ANKRD13A: variants seen among roughly 807,000 people sequenced by gnomAD.
The protein encoded by ANKRD13A is ankyrin repeat domain-containing protein 13A.
A neutral mutation model predicts 81.3 loss-of-function variants in ANKRD13A; 48 were observed. The observed-to-expected ratio is 0.59, with a 90% CI of 0.47 to 0.75. The LOEUF is 0.75. ANKRD13A is among the 30% of genes least tolerant of loss of function. The pLI is 0.00. For synonymous variants in ANKRD13A, 230 were observed against 270.1 expected (o/e 0.85, Z 1.45); for missense variants, 612 against 734.0 (o/e 0.83, Z 1.92).
intron 7 of ANKRD13A, among the ~76,000 whole-genome samples, chr12:110,024,843 T>G (rs986553495): frequency 1.3e-5 from 2 of 152,250 alleles, no homozygotes; most frequent in African/African-American, 4.8e-5. Flanking sequence ...CTTTGTTAAC[T>G]GTTATGTTTG....
rs1593225224 is a variant in ANKRD13A at position 110,028,657 on chromosome 12, G to C, written c.1076+15G>C. Reference sequence around the variant, plus strand: ...AGAACACAGAAGTAAGAGAGGTTCAGCTGCCATTTTCAACCTATGTATGTT... The same window carrying C: ...AGAACACAGAAGTAAGAGAGGTTCACCTGCCATTTTCAACCTATGTATGTT... On this transcript the variant is annotated intron_variant, in intron 10 of 14. Transcript: ENST00000261739. 1.9e-6 allele frequency: 3 copies of C among 1,613,956 alleles called. No individual in the cohort carries two copies.
In ANKRD13A at chr12:110,026,363, C is replaced by T. The variant is rs184592554; in HGVS notation, c.883+540C>T. Among the ~76,000 whole-genome samples the T allele has an allele frequency of 8.0e-3, 1,202 of 150,606 alleles. 25 individuals carry two copies. Among genetic ancestry groups the T allele is most frequent in the African/African-American group, 0.028 (1,158 of 41,068 alleles). ...CCAATGTGGGCGAGTCACCTGAGGT[C>T]GGGAATTCAAGACCAGCCTGACCAA... On this transcript the variant is annotated intron_variant, in intron 8 of 14. Transcript: ENST00000261739.
intron 12 of ANKRD13A, 40 bp downstream of exon 12, chr12:110,030,798 T>A: frequency 8.0e-6 from 11 of 1,379,626 alleles, no homozygotes; most frequent in East Asian, 5.4e-5. Flanking sequence ...TTTTGTTATT[T>A]AAAAAAAAAT....
chr12:110,019,850 G>C (rs1593214734), intron 6 of ANKRD13A, among the ~76,000 whole-genome samples: 1 of 152,216 alleles, frequency 6.6e-6, no homozygotes, highest in Non-Finnish European at 1.5e-5. Flanking sequence ...AGGGGATTCA[G>C]TTCTGTTCCA....
intron 1 of ANKRD13A, among the ~76,000 whole-genome samples, chr12:110,002,539 C>A (rs1311698683): frequency 2.0e-5 from 3 of 152,144 alleles, no homozygotes; most frequent in South Asian, 2.1e-4. Flanking sequence ...TCGCTTGAAT[C>A]CAGGAGGCTG....
At chr12:110,031,099 T>C (rs1891663359) in intron 12 of ANKRD13A, among the ~76,000 whole-genome samples, 1 of 150,582 alleles carries the variant, frequency 6.6e-6, no homozygotes, top group Non-Finnish European at 1.5e-5. Context: ...AGAGCAAAAC[T>C]ACATCTCAAA....
chr12:110,015,397 C>A (rs1159234090), intron 3 of ANKRD13A, among the ~76,000 whole-genome samples: 1 of 152,238 alleles, frequency 6.6e-6, no homozygotes, highest in African/African-American at 2.4e-5. Context: ...CTGCCCTTTG[C>A]CTAGAATAGG....
chr12:110,002,287 T>G (rs1890020710), intron 1 of ANKRD13A, among the ~76,000 whole-genome samples: 1 of 152,212 alleles, frequency 6.6e-6, no homozygotes, highest in Non-Finnish European at 1.5e-5. Context: ...CCAGTTTTTC[T>G]GCAAGGAAGA....
In ANKRD13A at chr12:110,037,764, C is replaced by T. The variant is rs879744188; in HGVS notation, c.*210C>T. 5.5e-5 allele frequency: 26 copies of T among 470,418 alleles called. No homozygotes were observed. The highest frequency in any genetic ancestry group is 7.9e-5 in the Non-Finnish European group (21 of 264,986). 29.1% of individuals were successfully genotyped at this position (470,418 alleles called of 1,614,324 possible). The stretch of plus-strand genomic sequence containing the variant: ...TGGAGAAGGGACCAGGGATTGCAGG[C>T]CCCATCTCCAGGCTAAGGGGAGGAG... On this transcript the variant is annotated 3_prime_UTR_variant, in exon 15 of 15. Coordinates refer to ENST00000261739, the MANE Select transcript of ANKRD13A (RefSeq NM_033121.2).
intron 1 of ANKRD13A, among the ~76,000 whole-genome samples, chr12:110,001,919 G>A (rs866062967): frequency 2.0e-5 from 3 of 152,104 alleles, no homozygotes; most frequent in Non-Finnish European, 4.4e-5. Context: ...GGTAAAAACT[G>A]TAAGACTCAG....
intron 3 of ANKRD13A, among the ~76,000 whole-genome samples, chr12:110,015,138 T>C (rs1233366230): frequency 6.6e-6 from 1 of 151,870 alleles, no homozygotes; most frequent in Non-Finnish European, 1.5e-5. Context: ...ACAGGAATGG[T>C]AGGTAAGAAA....
rs1459268450 is a variant in ANKRD13A, at chr12:110,028,516, T to C, written c.950T>C (p.Leu317Pro). The C allele has an allele frequency of 6.2e-7, 1 of 1,613,932 alleles. No individual in the cohort carries two copies. The highest frequency in any genetic ancestry group is 8.5e-7 in the Non-Finnish European group (1 of 1,179,970). ...VEHQFGAQGD[L>P]TTECATANNP... ...TCCTGAGTTCTGGCTCAGCAGGACCTCACCACGGAATGTGCTACTGCAAAC... is the reference window on the plus strand; with the variant it reads ...TCCTGAGTTCTGGCTCAGCAGGACCCCACCACGGAATGTGCTACTGCAAAC... Residue 317 changes from leucine to proline, a missense_variant, in exon 10 of 15, where the codon CTC (leucine) becomes CCC (proline). By Grantham distance (98) the Leu-to-Pro change is moderately conservative. Transcript: ENST00000261739.
Position 110,018,827 on chromosome 12 carries a change from T to A in ANKRD13A, c.545-312T>A, listed in dbSNP as rs1311752914. ...TTGCTCACCCAATGTTGTGCATACA[T>A]AATTTCTGTGAATTCTGTAATAATA... is the stretch of plus-strand genomic sequence containing the variant. On this transcript the variant is annotated intron_variant, in intron 5 of 14. Transcript: ENST00000261739. The surrounding 1 kb of genome is among the most constrained non-coding windows in gnomAD (Gnocchi z 4.4). Among the ~76,000 whole-genome samples the A allele has an allele frequency of 2.6e-5, 4 of 152,246 alleles. No individual in the cohort carries two copies. The highest frequency in any genetic ancestry group is 4.4e-5 in the Non-Finnish European group (3 of 68,044).
intron 9 of ANKRD13A, chr12:110,028,052 C>T (rs1003523334): frequency 4.0e-5 from 17 of 428,804 alleles, no homozygotes; most frequent in Non-Finnish European, 7.2e-5. Context: ...AAAAAGGATT[C>T]AGGACTTTAT....
chr12:110,004,269 G>T (rs1016607255), intron 1 of ANKRD13A, among the ~76,000 whole-genome samples: 1 of 152,076 alleles, frequency 6.6e-6, no homozygotes. Flanking sequence ...TTTTATTTGG[G>T]TATAGCTCAT....
intron 1 of ANKRD13A, among the ~76,000 whole-genome samples, chr12:110,003,550 CTG>C (rs1200848763): frequency 6.6e-6 from 1 of 152,194 alleles, no homozygotes; most frequent in African/African-American, 2.4e-5. Context: ...GGGTGGTTGT[CTG>C]TGTTGAGAGA....
At chr12:110,009,325 C>T (rs2137093928) in intron 1 of ANKRD13A, among the ~76,000 whole-genome samples, 1 of 152,358 alleles carries the variant, frequency 6.6e-6, no homozygotes, top group African/African-American at 2.4e-5. Context: ...TAGTGATCCA[C>T]CCGCCTCGGC....
chr12:110,014,806 C>T lies in ANKRD13A; in HGVS notation c.354+1557C>T, dbSNP rs540050706. Among the ~76,000 whole-genome samples, 23 of 104,886 alleles carry T rather than the reference C, an allele frequency of 2.2e-4. No individual in the cohort carries two copies. In the East Asian group the frequency reaches 4.9e-3, roughly 22 times the overall value. The allele number at this position is 104,886 out of a possible 152,430, so 68.8% of individuals were successfully genotyped here. A position where few individuals can be genotyped will look rare whatever the true frequency, so the allele number is the denominator to read the frequency against. ...TTTCTCTTCTTTTTTTTTTTTGAGA[C>T]GGAATCTCGCTCTGTAGCCCAGGCT... On this transcript the variant is annotated intron_variant, in intron 3 of 14. Transcript: ENST00000261739.
Position 110,019,188 on chromosome 12 carries a change from C to T in ANKRD13A, c.594C>T (p.Thr198=), listed in dbSNP as rs1890946141. Residue 198 remains threonine (T), a synonymous_variant, in exon 6 of 15, where the codon ACC becomes ACT. Transcript: ENST00000261739. ...TCAACCATGATGACAAAGTGGTCAC[C>T]ACCGAACGCTTCGACCTTTCCCAAG... The part of the protein sequence containing the change: ...MEVNHDDKVV[T]TERFDLSQEM... 1.2e-6 allele frequency: 2 copies of T among 1,613,538 alleles called. No homozygotes were observed. The highest frequency in any genetic ancestry group is 1.7e-6 in the Non-Finnish European group (2 of 1,179,606).
Sources: gnomAD v4.1 joint callset for allele counts (sites outside exome capture counted in the v4.1 genomes callset) on GRCh38, gnomAD v4.1.1 for gene constraint, Gnocchi (gnomAD v3.1) non-coding constraint, MANE v1.5 for transcripts, NCBI Gene and HGNC (gene_info 2026-07-23, HGNC 2026-07-21) for gene names.